Variants in LRRC72 observed in about 807,000 individuals in gnomAD.
LRRC72 encodes the protein leucine rich repeat containing 72.
A neutral mutation model predicts 35.8 loss-of-function variants in LRRC72; 41 were observed. The observed-to-expected ratio is 1.15, with a 90% CI of 0.89 to 1.49. The LOEUF is 1.49. Ranked by LOEUF, LRRC72 falls within the 40% of genes most tolerant of loss-of-function variation. The probability of loss-of-function intolerance (pLI) is 0.00; values close to 1 mark genes in which losing one functional copy is unlikely to be tolerated. For synonymous variants in LRRC72, 118 were observed against 119.2 expected (o/e 0.99, Z 0.07); for missense variants, 389 against 330.7 (o/e 1.18, Z -1.37).
At chr7:16,556,347 T>C (rs1248351035) in intron 3 of LRRC72, among the ~76,000 whole-genome samples, 1 of 152,206 alleles carries the variant, frequency 6.6e-6, no homozygotes, top group Non-Finnish European at 1.5e-5. Flanking sequence ...CCCAAAACTC[T>C]AGTGTTCAAG....
chr7:16,560,025 C>A (rs891048619), intron 5 of LRRC72, among the ~76,000 whole-genome samples: 3 of 152,026 alleles, frequency 2.0e-5, no homozygotes, highest in African/African-American at 7.2e-5. Context: ...AAATAATACA[C>A]CACTCCTACT....
chr7:16,541,684 C>T (rs1400245861), intron 3 of LRRC72, among the ~76,000 whole-genome samples: 13 of 152,100 alleles, frequency 8.5e-5, no homozygotes, highest in Admixed American at 5.9e-4. Context: ...GAGGCCGAGG[C>T]GAATGGATCA....
At chr7:16,538,684 G>A (rs1782305722) in intron 3 of LRRC72, among the ~76,000 whole-genome samples, 1 of 152,220 alleles carries the variant, frequency 6.6e-6, no homozygotes, top group Non-Finnish European at 1.5e-5. Flanking sequence ...ACATGTTGAA[G>A]GACGGACATG....
intron 3 of LRRC72, among the ~76,000 whole-genome samples, chr7:16,546,204 CAT>C (rs2128335940): frequency 6.6e-6 from 1 of 152,280 alleles, no homozygotes; most frequent in East Asian, 1.9e-4. Flanking sequence ...CAGTACTAAA[CAT>C]ACAATAACAT....
At chr7:16,566,036 G>T (rs1662668762) in intron 5 of LRRC72, among the ~76,000 whole-genome samples, 1 of 152,146 alleles carries the variant, frequency 6.6e-6, no homozygotes, top group Admixed American at 6.5e-5. Flanking sequence ...TCCCTCATTT[G>T]TTGCAGACTT....
Position 16,563,693 on chromosome 7 carries a change from A to G in LRRC72, c.428-2620A>G, listed in dbSNP as rs566592758. On this transcript the variant is annotated intron_variant, in intron 5 of 8. Coordinates refer to ENST00000401542, the MANE Select transcript of LRRC72 (RefSeq NM_001195280.2). ...AAATGTTAAATGTTTAATAGTATAG[A>G]AGGAAAAAATAGAGTTAAAAATATG... 6.6e-5 allele frequency among the ~76,000 whole-genome samples: 10 copies of G among 152,342 alleles called. No homozygotes were observed. In the East Asian group the frequency reaches 7.7e-4, roughly 12 times the overall value.
At chr7:16,574,227 G>A (rs995084049) in intron 7 of LRRC72, among the ~76,000 whole-genome samples, 9 of 152,162 alleles carry the variant, frequency 5.9e-5, no homozygotes, top group African/African-American at 2.2e-4. Context: ...CAACCATTGT[G>A]GAAGACAATG....
chr7:16,543,491 G>A (rs949713184), intron 3 of LRRC72, among the ~76,000 whole-genome samples: 4 of 152,068 alleles, frequency 2.6e-5, no homozygotes, highest in Admixed American at 6.5e-5. Flanking sequence ...TTGTCCATTC[G>A]TGTCTATTCT....
chr7:16,541,447 T>C (rs1027085509), intron 3 of LRRC72, among the ~76,000 whole-genome samples: 2 of 152,052 alleles, frequency 1.3e-5, no homozygotes, highest in Non-Finnish European at 2.9e-5. Flanking sequence ...ACCAACTAAG[T>C]GGAAAATGGA....
rs184295501 is a variant in LRRC72, at chr7:16,529,815, T to G, written c.91-2680T>G. Among the ~76,000 whole-genome samples, 313 of 152,330 alleles carry G rather than the reference T, an allele frequency of 2.1e-3. 3 individuals are homozygous for G. The highest frequency in any genetic ancestry group is 0.017 in the South Asian group (82 of 4,826). On this transcript the variant is annotated intron_variant, in intron 1 of 8. Coordinates refer to ENST00000401542, the MANE Select transcript of LRRC72 (RefSeq NM_001195280.2). ...AAATTTGATTTAAATTTTTAAATATTCATTCTATGGCTAAAATTTTTAAAA... is the reference window on the plus strand; with the variant it reads ...AAATTTGATTTAAATTTTTAAATATGCATTCTATGGCTAAAATTTTTAAAA...
At chr7:16,560,224 T>A (rs1782722875) in intron 5 of LRRC72, among the ~76,000 whole-genome samples, 1 of 152,226 alleles carries the variant, frequency 6.6e-6, no homozygotes. Context: ...TTTCTATTCA[T>A]TTCTCAGAAT....
chr7:16,572,011 G>A (rs576835364), intron 7 of LRRC72, among the ~76,000 whole-genome samples: 1 of 152,306 alleles, frequency 6.6e-6, no homozygotes, highest in Admixed American at 6.5e-5. Context: ...TTGGTGGGGG[G>A]AGGGGCATCT....
At chr7:16,546,208 C>A (rs1228317721) in intron 3 of LRRC72, among the ~76,000 whole-genome samples, 1 of 152,144 alleles carries the variant, frequency 6.6e-6, no homozygotes, top group Non-Finnish European at 1.5e-5. Flanking sequence ...ACTAAACATA[C>A]AATAACATAC....
chr7:16,544,525 A>T (rs1782411390), intron 3 of LRRC72, among the ~76,000 whole-genome samples: 1 of 152,122 alleles, frequency 6.6e-6, no homozygotes, highest in African/African-American at 2.4e-5. Flanking sequence ...ATTCTCTAAC[A>T]AGTCTGACCC....
At chr7:16,533,886 C>G (rs544123155) in intron 2 of LRRC72, among the ~76,000 whole-genome samples, 2 of 152,254 alleles carry the variant, frequency 1.3e-5, no homozygotes, top group South Asian at 4.1e-4. Flanking sequence ...GTAAATATTT[C>G]ATGTGGTCAA....
chr7:16,570,935 GTGTCTTTTAATT>G (rs1428153305), intron 7 of LRRC72, among the ~76,000 whole-genome samples: 1 of 150,734 alleles, frequency 6.6e-6, no homozygotes, highest in Non-Finnish European at 1.5e-5. Context: ...ATGCTCTTCA[GTGTCTTTTAATT>G]TAGAAGAGAT....
chr7:16,562,761 G>A (rs1782765259), intron 5 of LRRC72, among the ~76,000 whole-genome samples: 1 of 152,128 alleles, frequency 6.6e-6, no homozygotes, highest in African/African-American at 2.4e-5. Context: ...GCCCTTCCAG[G>A]TGGGACCACC....
intron 4 of LRRC72, 101 bp downstream of exon 4, chr7:16,557,542 T>C (rs1782672303): frequency 2.6e-6 from 1 of 382,082 alleles, no homozygotes; most frequent in African/African-American, 2.1e-5. Flanking sequence ...TTTTAACATT[T>C]CTGTTGAAAA....
At chr7:16,566,653 T>C (rs887229293) in intron 6 of LRRC72, among the ~76,000 whole-genome samples, 3 of 152,206 alleles carry the variant, frequency 2.0e-5, no homozygotes, top group African/African-American at 7.2e-5. Flanking sequence ...AGGAAAGTAT[T>C]CCTTCTGGTC....
Sources: gnomAD v4.1 joint callset for allele counts (sites outside exome capture counted in the v4.1 genomes callset) on GRCh38, gnomAD v4.1.1 for gene constraint, MANE v1.5 for transcripts, NCBI Gene and HGNC (gene_info 2026-07-23, HGNC 2026-07-21) for gene names.